LRRTM3: variants seen among roughly 807,000 people sequenced by gnomAD.
LRRTM3 encodes leucine rich repeat transmembrane neuronal 3.
In LRRTM3, 24 loss-of-function variants were observed where a neutral mutation model predicts 44.7. The ratio of observed to expected loss-of-function variants is 0.54; its 90% CI spans 0.39 to 0.76. The LOEUF is 0.76. Ranked by LOEUF, LRRTM3 falls within the 30% of genes least tolerant of loss-of-function variation. The pLI is 0.00. For missense variants in LRRTM3, 587 were observed against 702.2 expected, an observed-to-expected ratio of 0.84 and a Z score of 1.85; for synonymous variants, 277 against 278.7, an observed-to-expected ratio of 0.99 and a Z score of 0.06.
chr10:67,007,505 T>C (rs1005027246), intron 2 of LRRTM3, among the ~76,000 whole-genome samples: 46 of 152,176 alleles, frequency 3.0e-4, no homozygotes, highest in African/African-American at 9.6e-4. Context: ...TTTCACACTG[T>C]AGGCAGTTCA....
At chr10:66,982,184 AGAAT>A (rs2132885810) in intron 2 of LRRTM3, among the ~76,000 whole-genome samples, 1 of 152,364 alleles carries the variant, frequency 6.6e-6, no homozygotes, top group Admixed American at 6.5e-5. Context: ...GTTATTTGGA[AGAAT>A]GGCACTAAAG....
At chr10:66,982,568 ATAT>A (rs958925035) in intron 2 of LRRTM3, among the ~76,000 whole-genome samples, 14 of 152,196 alleles carry the variant, frequency 9.2e-5, no homozygotes, top group African/African-American at 3.1e-4. Flanking sequence ...GAGGTATAAA[ATAT>A]TATCTTAAGA....
At chr10:67,094,370 T>A (rs1857840391) in intron 2 of LRRTM3, among the ~76,000 whole-genome samples, 1 of 151,860 alleles carries the variant, frequency 6.6e-6, no homozygotes, top group African/African-American at 2.4e-5. Flanking sequence ...GTCTTTTAAA[T>A]TGAAGTAAAA....
At chr10:66,990,314 G>C (rs555254484) in intron 2 of LRRTM3, among the ~76,000 whole-genome samples, 145 of 152,248 alleles carry the variant, frequency 9.5e-4, no homozygotes, top group South Asian at 2.1e-3. Context: ...TGAAACTGTA[G>C]TACTATCCTT....
chr10:66,956,556 A>G (rs1254022004), intron 2 of LRRTM3, among the ~76,000 whole-genome samples: 1 of 152,148 alleles, frequency 6.6e-6, no homozygotes, highest in Non-Finnish European at 1.5e-5. Context: ...GGCAGCTAGT[A>G]AGAGTTGTCA....
intron 2 of LRRTM3, among the ~76,000 whole-genome samples, chr10:67,036,421 T>C (rs1395444243): frequency 1.3e-5 from 2 of 152,024 alleles, no homozygotes; most frequent in African/African-American, 4.8e-5. Flanking sequence ...ACCCCAGCAC[T>C]TTGGAAGGCT....
At chr10:67,089,891 G>T (rs996752512) in intron 2 of LRRTM3, among the ~76,000 whole-genome samples, 6 of 151,822 alleles carry the variant, frequency 4.0e-5, no homozygotes, top group African/African-American at 1.5e-4. Context: ...CATCATGTTT[G>T]TTCTCCATTT....
At chr10:67,086,747 T>C (rs1252516340) in intron 2 of LRRTM3, among the ~76,000 whole-genome samples, 2 of 152,116 alleles carry the variant, frequency 1.3e-5, no homozygotes, top group South Asian at 2.1e-4. Flanking sequence ...CTATCAGTCA[T>C]AGATATGGAG....
At chr10:67,065,687 G>A (rs563310898) in intron 2 of LRRTM3, among the ~76,000 whole-genome samples, 3 of 152,116 alleles carry the variant, frequency 2.0e-5, no homozygotes, top group African/African-American at 2.4e-5. Context: ...CATGAGCCAC[G>A]GGAAGAGAAC....
chr10:67,031,677 C>T (rs763453018), intron 2 of LRRTM3, among the ~76,000 whole-genome samples: 2 of 152,118 alleles, frequency 1.3e-5, no homozygotes, highest in Non-Finnish European at 2.9e-5. Context: ...TCAGAATTAA[C>T]AAATTGAAAT....
rs774772603 is a variant in LRRTM3, at chr10:66,928,060, C to A, written c.1144C>A (p.Pro382Thr). The change falls in exon 2 of 3, where the codon CCC becomes ACC. Residue 382 changes from proline to threonine, a missense_variant. Physicochemically the swap from Pro to Thr is conservative, Grantham distance 38. Coordinates refer to ENST00000361320, the MANE Select transcript of LRRTM3 (RefSeq NM_178011.5). ...GGCTCTCCCAAAGCCGACGTTTAAGCCCAAGCTCCCCAGGCCGAAGCATGA... is the reference window on the plus strand; with the variant it reads ...GGCTCTCCCAAAGCCGACGTTTAAGACCAAGCTCCCCAGGCCGAAGCATGA... ...ARALPKPTFK[P>T]KLPRPKHESK... 3 of 1,614,074 alleles carry A rather than the reference C, an allele frequency of 1.9e-6. No individual in the cohort carries two copies. Among genetic ancestry groups the A allele is most frequent in the Non-Finnish European group, 2.5e-6 (3 of 1,180,026 alleles).
At chr10:66,952,313 T>C (rs1313245751) in intron 2 of LRRTM3, among the ~76,000 whole-genome samples, 3 of 152,174 alleles carry the variant, frequency 2.0e-5, no homozygotes, top group African/African-American at 7.2e-5. Context: ...GAGACAGATG[T>C]CACTTTTATA....
chr10:67,043,799 C>A (rs994180917), intron 2 of LRRTM3, among the ~76,000 whole-genome samples: 1 of 152,058 alleles, frequency 6.6e-6, no homozygotes, highest in Middle Eastern at 3.2e-3. Context: ...TGCACAGCAA[C>A]TCAATAGCAC....
chr10:67,029,677 A>C (rs1027468588), intron 2 of LRRTM3, among the ~76,000 whole-genome samples: 1 of 152,210 alleles, frequency 6.6e-6, no homozygotes, highest in Non-Finnish European at 1.5e-5. Context: ...CAAAAGACTT[A>C]AGTGTGGCTC....
At chr10:67,025,453 A>G (rs17279432) in intron 2 of LRRTM3, among the ~76,000 whole-genome samples, 12,965 of 152,100 alleles carry the variant, frequency 0.085, 779 homozygotes, top group South Asian at 0.28. Flanking sequence ...AATGCTTGGG[A>G]AAATAAGATC....
intron 2 of LRRTM3, among the ~76,000 whole-genome samples, chr10:66,975,587 A>G (rs1339129081): frequency 6.6e-6 from 1 of 152,154 alleles, no homozygotes; most frequent in Non-Finnish European, 1.5e-5. Flanking sequence ...ATCCAATTCT[A>G]TGAGTCTATG....
chr10:67,068,813 A>T (rs1856254257), intron 2 of LRRTM3, among the ~76,000 whole-genome samples: 1 of 152,198 alleles, frequency 6.6e-6, no homozygotes, highest in Non-Finnish European at 1.5e-5. Flanking sequence ...TAATCCCAGC[A>T]CTTTGGGAGG....
chr10:66,988,907 G>C (rs1346179688), intron 2 of LRRTM3, among the ~76,000 whole-genome samples: 1 of 151,422 alleles, frequency 6.6e-6, no homozygotes, highest in Non-Finnish European at 1.5e-5. Context: ...TCCCCTATTT[G>C]CTCCACTACT....
At chr10:66,940,771 C>T (rs796479147) in intron 2 of LRRTM3, among the ~76,000 whole-genome samples, 14 of 152,126 alleles carry the variant, frequency 9.2e-5, no homozygotes, top group African/African-American at 3.4e-4. Flanking sequence ...CAGTAGCCCA[C>T]TGACTGGTTT....
Sources: allele counts gnomAD v4.1 joint callset (sites outside exome capture counted in the v4.1 genomes callset), GRCh38; gene constraint gnomAD v4.1.1; transcripts MANE v1.5; gene names NCBI Gene and HGNC (gene_info 2026-07-23, HGNC 2026-07-21).